CTNNA2: variants seen among roughly 807,000 people sequenced by gnomAD.
The protein encoded by CTNNA2 is catenin alpha-2.
CTNNA2 carries 42 observed loss-of-function variants against 101.0 expected under a neutral mutation model. The ratio of observed to expected loss-of-function variants is 0.42; its 90% CI spans 0.32 to 0.54. The LOEUF (loss-of-function observed/expected upper bound fraction) is 0.54. Among genes scored for constraint, CTNNA2 ranks in the 20% least tolerant of loss-of-function variants. The pLI is 0.14. For missense variants in CTNNA2, 871 were observed against 1,223.1 expected (o/e 0.71, Z 4.29); for synonymous variants, 450 against 456.4 (o/e 0.99, Z 0.18).
At chr2:79,200,116 T>C (rs1572975447) in intron 2 of CTNNA2, among the ~76,000 whole-genome samples, 3 of 152,170 alleles carry the variant, frequency 2.0e-5, no homozygotes, top group Admixed American at 1.3e-4. Flanking sequence ...ATTAAGAAAG[T>C]ATCCTGCCTG....
At chr2:80,104,271 T>C (rs1480250851) in intron 7 of CTNNA2, among the ~76,000 whole-genome samples, 1 of 152,222 alleles carries the variant, frequency 6.6e-6, no homozygotes, top group African/African-American at 2.4e-5. Flanking sequence ...TGGAGGACAA[T>C]ACTTATGCTT....
chr2:79,352,922 G>T (rs1677423925), intron 3 of CTNNA2, among the ~76,000 whole-genome samples: 2 of 152,156 alleles, frequency 1.3e-5, no homozygotes, highest in African/African-American at 4.8e-5. Context: ...AGGGGAAGCA[G>T]TCCTATATTC....
chr2:79,521,107 GATATATATATATATAT>G lies in CTNNA2; in HGVS notation c.-6+7946_-6+7961del, dbSNP rs59797728. 9.7e-3 allele frequency among the ~76,000 whole-genome samples: 1,018 copies of G among 104,836 alleles called. 7 individuals are homozygous for G. The highest frequency in any genetic ancestry group is 0.017 in the South Asian group (52 of 3,054). The allele number at this position is 104,836 out of a possible 152,430, so 68.8% of individuals were successfully genotyped here. On this transcript the variant is annotated intron_variant, in intron 1 of 18. Coordinates refer to ENST00000402739, the MANE Select transcript of CTNNA2 (RefSeq NM_001282597.3). ...CTTTGAGATAGAAAACAAAGCTGCT[GATATATATATATATAT>G]ATATATATATATATATATATATATA...
At chr2:80,462,974 T>C (rs1684565725) in intron 9 of CTNNA2, among the ~76,000 whole-genome samples, 2 of 152,142 alleles carry the variant, frequency 1.3e-5, no homozygotes, top group African/African-American at 4.8e-5. Context: ...TCCTCCCTAC[T>C]TAGTCGGCAC....
At chr2:79,817,683 C>G (rs927023656) in intron 3 of CTNNA2, among the ~76,000 whole-genome samples, 1 of 152,124 alleles carries the variant, frequency 6.6e-6, no homozygotes, top group East Asian at 1.9e-4. Context: ...AAACCTAGAT[C>G]GAGAACACGA....
In CTNNA2 at chr2:80,438,739, ATTCCATCTG is replaced by A. The variant is rs576908178; in HGVS notation, c.1290+19143_1290+19151del. ...CGAGATCCAACTAGTGATACTCCTC[ATTCCATCTG>A]TTCCTTTAGGTAGTGGATGCAGAGT... On this transcript the variant is annotated intron_variant, in intron 9 of 18. Coordinates refer to ENST00000402739, the MANE Select transcript of CTNNA2 (RefSeq NM_001282597.3). Among the ~76,000 whole-genome samples, 948 of 152,278 alleles carry A rather than the reference ATTCCATCTG, an allele frequency of 6.2e-3. 12 individuals are homozygous for A. The highest frequency in any genetic ancestry group is 8.5e-3 in the Non-Finnish European group (581 of 68,020).
At chr2:80,409,148 T>C (rs1679327256) in intron 8 of CTNNA2, among the ~76,000 whole-genome samples, 1 of 152,172 alleles carries the variant, frequency 6.6e-6, no homozygotes, top group South Asian at 2.1e-4. Context: ...GTAGTTATGC[T>C]AGAAATGTCT....
At chr2:80,053,078 C>T (rs1428689258) in intron 7 of CTNNA2, among the ~76,000 whole-genome samples, 1 of 152,006 alleles carries the variant, frequency 6.6e-6, no homozygotes, top group Non-Finnish European at 1.5e-5. Context: ...GTTTTAATTT[C>T]AGTATTTTCT....
rs1707276428 is a variant in CTNNA2, at chr2:80,202,635, T to A, written c.1057-190576T>A. Among the ~76,000 whole-genome samples the A allele has an allele frequency of 3.3e-5, 5 of 152,154 alleles. No individual in the cohort carries two copies. In the South Asian group the frequency reaches 1.0e-3, roughly 32 times the overall value. ...TATAAGGCACTTTGGAATGTCCATA[T>A]TAAAAATAGTATATTAATTAAAATA... On this transcript the variant is annotated intron_variant, in intron 7 of 18. Coordinates refer to ENST00000402739, the MANE Select transcript of CTNNA2 (RefSeq NM_001282597.3).
intron 1 of CTNNA2, among the ~76,000 whole-genome samples, chr2:79,648,014 C>A (rs1680943713): frequency 6.6e-6 from 1 of 152,178 alleles, no homozygotes; most frequent in Non-Finnish European, 1.5e-5. Flanking sequence ...TCTTAACATT[C>A]CTCTAGCCAA....
At chr2:79,430,786 C>T (rs1678651458) in intron 4 of CTNNA2, among the ~76,000 whole-genome samples, 1 of 148,804 alleles carries the variant, frequency 6.7e-6, no homozygotes, top group Admixed American at 6.8e-5. Context: ...CTTATCTATC[C>T]CCACATATCT....
rs76600121 is a variant in CTNNA2, at chr2:79,443,701, G to GA, written c.-134-61344dup. The stretch of plus-strand genomic sequence containing the variant: ...TTTTCAGACTTATAATACATTTTAA[G>GA]AAAAAAAAATATACTTGCTATTTAA... On this transcript the variant is annotated intron_variant, in intron 4 of 21. Transcript: ENST00000466387. 1.7e-4 allele frequency among the ~76,000 whole-genome samples: 26 copies of GA among 150,814 alleles called. No homozygotes were observed. The East Asian group carries it at 2.3e-3, about 14-fold the overall frequency.
chr2:79,499,467 T>C (rs1214925376), intron 4 of CTNNA2, among the ~76,000 whole-genome samples: 2 of 152,156 alleles, frequency 1.3e-5, no homozygotes, highest in African/African-American at 4.8e-5. Flanking sequence ...AAAATTAGAT[T>C]ATGTTCTTCC....
chr2:79,877,611 T>A (rs1315903045), intron 6 of CTNNA2, among the ~76,000 whole-genome samples: 1 of 152,228 alleles, frequency 6.6e-6, no homozygotes, highest in Non-Finnish European at 1.5e-5. Context: ...GAGTCCTAAA[T>A]GCTATTCTCA....
intron 7 of CTNNA2, among the ~76,000 whole-genome samples, chr2:80,292,520 C>T (rs1675354977): frequency 6.6e-6 from 1 of 152,086 alleles, no homozygotes; most frequent in Admixed American, 6.5e-5. Flanking sequence ...ATGAGAAAAT[C>T]TTAAGGATTT....
At chr2:79,774,591 C>A (rs1052170407) in intron 3 of CTNNA2, among the ~76,000 whole-genome samples, 1 of 152,058 alleles carries the variant, frequency 6.6e-6, no homozygotes, top group African/African-American at 2.4e-5. Context: ...TGATTAAAGG[C>A]ACCATAGTTA....
chr2:80,324,263 G>C (rs553848135), intron 7 of CTNNA2, among the ~76,000 whole-genome samples: 1 of 152,318 alleles, frequency 6.6e-6, no homozygotes, highest in Non-Finnish European at 1.5e-5. Context: ...GGTCGACAAA[G>C]GGGCTCTCTT....
chr2:79,455,976 G>C (rs944738445), intron 4 of CTNNA2, among the ~76,000 whole-genome samples: 1 of 151,830 alleles, frequency 6.6e-6, no homozygotes, highest in Non-Finnish European at 1.5e-5. Context: ...GAGTATCCAG[G>C]TAAGAATCTT....
chr2:80,276,794 G>T (rs576682628), intron 7 of CTNNA2, among the ~76,000 whole-genome samples: 12 of 152,076 alleles, frequency 7.9e-5, no homozygotes, highest in African/African-American at 2.4e-4. Flanking sequence ...CATTCATAAG[G>T]GATCCACCCC....
Sources: allele counts gnomAD v4.1 joint callset (sites outside exome capture counted in the v4.1 genomes callset), GRCh38; gene constraint gnomAD v4.1.1; transcripts MANE v1.5; gene names NCBI Gene and HGNC (gene_info 2026-07-23, HGNC 2026-07-21).